Variants in TARBP1 observed in about 807,000 individuals in gnomAD.
TARBP1 encodes tRNA (guanosine(18)-2'-O)-methyltransferase TARBP1.
Under a neutral mutation model 178.6 loss-of-function variants are expected in TARBP1, and 144 were observed. The ratio of observed to expected loss-of-function variants is 0.81; its 90% CI spans 0.70 to 0.93. TARBP1 has a LOEUF of 0.93. Ranked by LOEUF, TARBP1 falls within the 40% of genes least tolerant of loss-of-function variation. The pLI is 0.00. For missense variants in TARBP1, 2,067 were observed against 2,011.7 expected (o/e 1.03, Z -0.53); for synonymous variants, 787 against 781.0 (o/e 1.01, Z -0.13).
intron 24 of TARBP1, among the ~76,000 whole-genome samples, chr1:234,401,805 A>C (rs1429884468): frequency 6.6e-6 from 1 of 151,944 alleles, no homozygotes; most frequent in African/African-American, 2.4e-5. Context: ...TGTCTTCTTC[A>C]CTCCCTGGAG....
rs1664970664 is a variant in TARBP1 at position 234,435,811 on chromosome 1, A to G, written c.2232+1464T>C. Among the ~76,000 whole-genome samples, 3 of 152,322 alleles carry G rather than the reference A, an allele frequency of 2.0e-5. No individual in the cohort carries two copies. The South Asian group carries it at 6.2e-4, about 32-fold the overall frequency. On this transcript the variant is annotated intron_variant, in intron 13 of 29. Transcript: ENST00000040877. ...TAGCAGCAGACCCAGCCAGCATCGCAAAGACCGAAGATCATATCTCTTTCC... is the reference window on the plus strand; with the variant it reads ...TAGCAGCAGACCCAGCCAGCATCGCGAAGACCGAAGATCATATCTCTTTCC...
chr1:234,409,035 T>C (rs1661544282), intron 23 of TARBP1, among the ~76,000 whole-genome samples: 1 of 152,226 alleles, frequency 6.6e-6, no homozygotes, highest in Non-Finnish European at 1.5e-5. Context: ...AAGTCTTAAG[T>C]GATTGCTTCC....
At chr1:234,463,313 A>ATTC (rs1491333189) in intron 6 of TARBP1, among the ~76,000 whole-genome samples, 1 of 152,094 alleles carries the variant, frequency 6.6e-6, no homozygotes. Flanking sequence ...TAGTGGAGAC[A>ATTC]GAGTTTCGCT....
Position 234,420,714 on chromosome 1 carries a change from A to G in TARBP1, c.3543T>C (p.Pro1181=). The G allele has an allele frequency of 1.2e-6, 2 of 1,607,260 alleles. No individual in the cohort carries two copies. The highest frequency in any genetic ancestry group is 1.7e-6 in the Non-Finnish European group (2 of 1,175,892). Reference sequence around the variant, plus strand: ...AAAAATATGATACCTGGTCAAGTCTAGGGAAAAGTACCAGCAGAGTCTGCC... The same window carrying G: ...AAAAATATGATACCTGGTCAAGTCTGGGGAAAAGTACCAGCAGAGTCTGCC... ...RVWQTLLVLF[P]RLDQNFLNGI... is the part of the protein sequence containing the mutation. The change falls in exon 21 of 30, where the codon CCT becomes CCC. Residue 1181 remains proline, a synonymous_variant. Coordinates refer to ENST00000040877, the MANE Select transcript of TARBP1 (RefSeq NM_005646.4).
chr1:234,408,847 G>A (rs1661526002), intron 23 of TARBP1, among the ~76,000 whole-genome samples: 3 of 152,168 alleles, frequency 2.0e-5, no homozygotes, highest in Admixed American at 2.0e-4. Context: ...AAGCAGCTCT[G>A]TGTACTCTTC....
At chr1:234,402,222 T>C (rs1660742643) in intron 24 of TARBP1, among the ~76,000 whole-genome samples, 1 of 152,214 alleles carries the variant, frequency 6.6e-6, no homozygotes, top group South Asian at 2.1e-4. Context: ...TCACCTTTGG[T>C]GGGAGAAGGA....
intron 14 of TARBP1, 54 bp from the exon 15 acceptor site, chr1:234,430,355 A>G (rs1281337698): frequency 6.6e-7 from 1 of 1,521,684 alleles, no homozygotes; most frequent in South Asian, 1.2e-5. Context: ...CTTAATCAGT[A>G]ATGACCTCAG....
intron 12 of TARBP1, among the ~76,000 whole-genome samples, chr1:234,443,677 C>T (rs1558215475): frequency 6.6e-6 from 1 of 152,066 alleles, no homozygotes; most frequent in Admixed American, 6.5e-5. Context: ...CAGCATTATT[C>T]ACAAAAGAGA....
chr1:234,459,167 C>T (rs1184234842), intron 8 of TARBP1, 63 bp downstream of exon 8: 47 of 1,274,684 alleles, frequency 3.7e-5, no homozygotes, highest in Non-Finnish European at 5.0e-5. Context: ...TATGTTAACT[C>T]ATTTCTGTAC....
intron 23 of TARBP1, among the ~76,000 whole-genome samples, chr1:234,410,191 C>T (rs1427661529): frequency 2.6e-5 from 4 of 152,120 alleles, no homozygotes; most frequent in African/African-American, 9.7e-5. Flanking sequence ...ATACAAGTAT[C>T]AACAAAAACT....
At chr1:234,471,404 T>C (rs527562031) in intron 2 of TARBP1, 147 bp from the exon 3 acceptor site, 14 of 623,782 alleles carry the variant, frequency 2.2e-5, no homozygotes, top group Middle Eastern at 4.0e-4. Flanking sequence ...TTTCAAACAA[T>C]AGTATGATTC....
chr1:234,452,918 A>G (rs560841048), intron 9 of TARBP1, among the ~76,000 whole-genome samples: 5 of 152,302 alleles, frequency 3.3e-5, no homozygotes, highest in African/African-American at 1.2e-4. Flanking sequence ...AAAACACAGG[A>G]AGGAACCTTA....
intron 24 of TARBP1, among the ~76,000 whole-genome samples, chr1:234,402,387 AT>A (rs151294402): frequency 2.0e-5 from 3 of 152,252 alleles, no homozygotes; most frequent in Middle Eastern, 3.4e-3. Context: ...CTAATATACT[AT>A]TTTTTGAGAG....
intron 12 of TARBP1, among the ~76,000 whole-genome samples, chr1:234,440,461 C>CAAG (rs113058179): frequency 6.6e-6 from 1 of 151,468 alleles, no homozygotes; most frequent in Non-Finnish European, 1.5e-5. Context: ...GAGACAGAGA[C>CAAG]AGAGAGAGAG....
At chr1:234,435,171 T>C (rs2103152033) in intron 13 of TARBP1, among the ~76,000 whole-genome samples, 1 of 152,238 alleles carries the variant, frequency 6.6e-6, no homozygotes, top group East Asian at 1.9e-4. Context: ...GACCCTTGGC[T>C]GGGTGCAGTG....
intron 2 of TARBP1, among the ~76,000 whole-genome samples, chr1:234,471,839 C>T (rs1669090940): frequency 6.6e-6 from 1 of 152,110 alleles, no homozygotes; most frequent in South Asian, 2.1e-4. Context: ...ACTCCTCATC[C>T]TTGCATCTAT....
Position 234,451,748 on chromosome 1 carries a change from C to CA in TARBP1, c.1723-1183dup, listed in dbSNP as rs766485621. Among the ~76,000 whole-genome samples, 8 of 6,614 alleles carry CA rather than the reference C, an allele frequency of 1.2e-3. 2 individuals are homozygous for CA. The highest frequency in any genetic ancestry group is 1.8e-3 in the Non-Finnish European group (8 of 4,508). The allele number at this position is 6,614 out of a possible 152,430, so 4.3% of individuals were successfully genotyped here. ...TGGGCGACAGAGCGAGACTCCGTCT[C>CA]AAAAAAAAAAAAAAAAAATGATGAA... is the stretch of plus-strand genomic sequence containing the variant. On this transcript the variant is annotated intron_variant, in intron 9 of 29. Coordinates refer to ENST00000040877, the MANE Select transcript of TARBP1 (RefSeq NM_005646.4).
intron 12 of TARBP1, among the ~76,000 whole-genome samples, chr1:234,441,959 C>T (rs1665640161): frequency 6.6e-6 from 1 of 152,014 alleles, no homozygotes; most frequent in Non-Finnish European, 1.5e-5. Context: ...GGATTGTTTC[C>T]ATCACAGCCA....
intron 25 of TARBP1, 29 bp downstream of exon 25, chr1:234,401,152 A>G: frequency 6.4e-7 from 1 of 1,568,574 alleles, no homozygotes; most frequent in Admixed American, 1.7e-5. Flanking sequence ...GATACAATAG[A>G]GAATTTACAA....
Sources: allele counts gnomAD v4.1 joint callset (sites outside exome capture counted in the v4.1 genomes callset), GRCh38; gene constraint gnomAD v4.1.1; transcripts MANE v1.5; gene names NCBI Gene and HGNC (gene_info 2026-07-23, HGNC 2026-07-21).